NAV3: variants seen among roughly 807,000 people sequenced by gnomAD.
The protein encoded by NAV3 is pore membrane and/or filament interacting like protein 1.
A neutral mutation model predicts 244.7 loss-of-function variants in NAV3; 87 were observed. That is an observed-to-expected ratio of 0.36 (90% CI 0.30 to 0.42). The LOEUF is 0.42. Among genes scored for constraint, NAV3 ranks in the 20% least tolerant of loss-of-function variants. The probability of loss-of-function intolerance (pLI) is 1.00; values close to 1 mark genes in which losing one functional copy is unlikely to be tolerated. For synonymous variants in NAV3, 1,126 were observed against 1,042.2 expected, an observed-to-expected ratio of 1.08 and a Z score of -1.55; for missense variants, 2,663 against 2,893.3, an observed-to-expected ratio of 0.92 and a Z score of 1.83.
intron 2 of NAV3, among the ~76,000 whole-genome samples, chr12:77,603,727 G>T (rs1020479844): frequency 6.6e-6 from 1 of 152,024 alleles, no homozygotes; most frequent in African/African-American, 2.4e-5. Flanking sequence ...TGAATTGTGG[G>T]TGGATCGATA....
intron 2 of NAV3, among the ~76,000 whole-genome samples, chr12:77,586,110 C>T (rs1327077813): frequency 3.3e-5 from 5 of 151,744 alleles, no homozygotes; most frequent in Non-Finnish European, 7.4e-5. Context: ...TGCAGTGAGC[C>T]GAGATCGCGC....
intron 18 of NAV3, among the ~76,000 whole-genome samples, chr12:78,135,408 A>G (rs1185784996): frequency 1.3e-5 from 2 of 152,194 alleles, no homozygotes; most frequent in Non-Finnish European, 2.9e-5. Context: ...TTTAAAATCT[A>G]TCCTAATCCT....
At chr12:77,625,678 A>G (rs1186320234) in intron 2 of NAV3, among the ~76,000 whole-genome samples, 1 of 152,140 alleles carries the variant, frequency 6.6e-6, no homozygotes, top group Non-Finnish European at 1.5e-5. Context: ...ACAAACAGAC[A>G]CCACTGGTGC....
chr12:77,980,882 TGTAA>T (rs1869439725), intron 5 of NAV3, among the ~76,000 whole-genome samples: 1 of 152,184 alleles, frequency 6.6e-6, no homozygotes, highest in Admixed American at 6.6e-5. Flanking sequence ...ACTTTGATGC[TGTAA>T]TATCTTACAC....
intron 1 of NAV3, among the ~76,000 whole-genome samples, chr12:77,871,258 G>T (rs956903676): frequency 6.6e-6 from 1 of 152,030 alleles, no homozygotes; most frequent in African/African-American, 2.4e-5. Context: ...AAAAAAATTA[G>T]TAAAAGATTG....
intron 2 of NAV3, among the ~76,000 whole-genome samples, chr12:77,770,857 G>A (rs1168471054): frequency 6.6e-6 from 1 of 152,134 alleles, no homozygotes; most frequent in African/African-American, 2.4e-5. Flanking sequence ...GCATGGGCAA[G>A]GACTTCATGT....
At chr12:77,699,859 A>G (rs1436848435) in intron 2 of NAV3, among the ~76,000 whole-genome samples, 2 of 150,890 alleles carry the variant, frequency 1.3e-5, no homozygotes, top group Non-Finnish European at 2.9e-5. Flanking sequence ...AGATTGAAGG[A>G]GTCTACCCAA....
intron 2 of NAV3, among the ~76,000 whole-genome samples, chr12:77,641,489 G>A (rs1183012368): frequency 6.6e-6 from 1 of 152,056 alleles, no homozygotes; most frequent in Admixed American, 6.6e-5. Context: ...AATTGAAATA[G>A]TAGAAATAAA....
intron 1 of NAV3, among the ~76,000 whole-genome samples, chr12:77,873,089 C>T (rs1428003872): frequency 6.6e-6 from 1 of 152,182 alleles, no homozygotes; most frequent in Non-Finnish European, 1.5e-5. Flanking sequence ...CACACATGCT[C>T]TTGGCTGCCA....
chr12:78,071,001 C>T (rs59007226), intron 12 of NAV3, among the ~76,000 whole-genome samples: 8,771 of 148,504 alleles, frequency 0.059, 613 homozygotes, highest in African/African-American at 0.17. Context: ...TGAATAATGC[C>T]GCAATAAACA....
intron 1 of NAV3, among the ~76,000 whole-genome samples, chr12:77,912,443 G>A (rs774894928): frequency 1.3e-5 from 2 of 152,074 alleles, no homozygotes; most frequent in Non-Finnish European, 2.9e-5. Context: ...ATCTTTTAAT[G>A]TGAAAATGCT....
chr12:78,168,980 G>T, intron 24 of NAV3, 114 bp downstream of exon 24: 3 of 611,836 alleles, frequency 4.9e-6, no homozygotes, highest in Non-Finnish European at 8.4e-6. Flanking sequence ...ATACATACTA[G>T]TTGTATTAAT....
At chr12:77,904,322 T>G (rs1430588068) in intron 1 of NAV3, among the ~76,000 whole-genome samples, 2 of 152,032 alleles carry the variant, frequency 1.3e-5, no homozygotes, top group Admixed American at 6.6e-5. Context: ...CCATAAAAAA[T>G]GATGAGTTCA....
intron 2 of NAV3, among the ~76,000 whole-genome samples, chr12:77,656,888 T>A (rs907162944): frequency 3.3e-5 from 5 of 151,904 alleles, no homozygotes; most frequent in African/African-American, 4.8e-5. Context: ...AAGGCAGAAA[T>A]AAAGATGTTC....
intron 9 of NAV3, among the ~76,000 whole-genome samples, chr12:78,025,618 A>G (rs899589751): frequency 7.0e-6 from 1 of 142,638 alleles, no homozygotes; most frequent in African/African-American, 2.5e-5. Flanking sequence ...AAAAAAAAAA[A>G]AAAAAGAAAT....
chr12:77,966,705 A>G (rs1475404804), intron 4 of NAV3, among the ~76,000 whole-genome samples: 1 of 152,180 alleles, frequency 6.6e-6, no homozygotes, highest in African/African-American at 2.4e-5. Context: ...TCTATAATAT[A>G]TTCAAGTTGG....
At chr12:78,150,563 C>A (rs1335360351) in intron 22 of NAV3, among the ~76,000 whole-genome samples, 2 of 147,982 alleles carry the variant, frequency 1.4e-5, no homozygotes, top group Non-Finnish European at 1.5e-5. Context: ...TTCTTGTGTA[C>A]CATTTCAACA....
At chr12:78,067,506 T>G (rs988345228) in intron 12 of NAV3, among the ~76,000 whole-genome samples, 2 of 152,084 alleles carry the variant, frequency 1.3e-5, no homozygotes, top group Non-Finnish European at 2.9e-5. Flanking sequence ...ATCTTAAAAT[T>G]AACTGTGCCC....
intron 2 of NAV3, among the ~76,000 whole-genome samples, chr12:77,738,313 T>G (rs1407825283): frequency 6.6e-6 from 1 of 152,178 alleles, no homozygotes; most frequent in Non-Finnish European, 1.5e-5. Flanking sequence ...CCTTAACCTC[T>G]CTGTGCTTCA....
Sources: allele counts gnomAD v4.1 joint callset (sites outside exome capture counted in the v4.1 genomes callset), GRCh38; gene constraint gnomAD v4.1.1; transcripts MANE v1.5; gene names NCBI Gene and HGNC (gene_info 2026-07-23, HGNC 2026-07-21).